The following TEAD4 variants were observed in gnomAD, a reference collection of about 807,000 sequenced individuals.
The protein encoded by TEAD4 is transcriptional enhancer factor TEF-3.
A neutral mutation model predicts 52.4 loss-of-function variants in TEAD4; 36 were observed. The observed-to-expected ratio is 0.69, with a 90% CI of 0.53 to 0.91. TEAD4 has a LOEUF of 0.91. TEAD4 is among the 40% of genes least tolerant of loss of function. The pLI, the probability that TEAD4 is intolerant of heterozygous loss-of-function variation, is 0.00. For missense variants in TEAD4, 508 were observed against 583.9 expected, an observed-to-expected ratio of 0.87 and a Z score of 1.34; for synonymous variants, 220 against 231.0, an observed-to-expected ratio of 0.95 and a Z score of 0.43.
chr12:3,017,275 G>T, intron 5 of TEAD4, 123 bp from the exon 6 acceptor site: 2 of 1,307,568 alleles, frequency 1.5e-6, no homozygotes, highest in East Asian at 2.5e-5. Context: ...CAGACTTAAC[G>T]CCTGGTCCCC....
intron 2 of TEAD4, among the ~76,000 whole-genome samples, chr12:2,990,265 G>A (rs1053524248): frequency 3.0e-4 from 45 of 152,000 alleles, no homozygotes; most frequent in African/African-American, 9.7e-4. Flanking sequence ...TCCTTATTTA[G>A]GTCAATAATC....
chr12:2,982,152 T>C (rs2098234555), intron 2 of TEAD4, among the ~76,000 whole-genome samples: 1 of 152,156 alleles, frequency 6.6e-6, no homozygotes. Flanking sequence ...CATTTGGAAC[T>C]TAGCATCCTG....
intron 2 of TEAD4, among the ~76,000 whole-genome samples, chr12:2,985,525 A>C (rs1336422629): frequency 4.3e-5 from 1 of 23,454 alleles, no homozygotes; most frequent in Admixed American, 5.6e-4. Flanking sequence ...TTTTTTTTTG[A>C]GACGGAGTCT....
At chr12:3,010,575 G>A (rs548941706) in intron 3 of TEAD4, among the ~76,000 whole-genome samples, 135 of 152,350 alleles carry the variant, frequency 8.9e-4, no homozygotes, top group African/African-American at 3.2e-3. Context: ...TTACAGAGGC[G>A]GAGGGCACGG....
intron 2 of TEAD4, among the ~76,000 whole-genome samples, chr12:2,992,205 G>A (rs1046686503): frequency 1.3e-5 from 2 of 151,574 alleles, no homozygotes; most frequent in African/African-American, 4.8e-5. Context: ...TTTTAGTAGA[G>A]GCGGGGTTTC....
intron 2 of TEAD4, among the ~76,000 whole-genome samples, chr12:2,992,594 G>A (rs954178672): frequency 2.0e-5 from 3 of 152,162 alleles, no homozygotes; most frequent in Non-Finnish European, 2.9e-5. Context: ...AGGATCCGAG[G>A]TGGAAGTGGT....
intron 2 of TEAD4, among the ~76,000 whole-genome samples, chr12:2,989,113 T>C (rs546085374): frequency 3.8e-4 from 58 of 152,178 alleles, no homozygotes; most frequent in Admixed American, 1.1e-3. Context: ...GGGATTGGCA[T>C]GGGAAGTCGG....
Position 3,040,531 on chromosome 12 carries a change from C to T in TEAD4, c.*53C>T, listed in dbSNP as rs140315611. ...GAGACGTGTGTGCAGGAAACGGGGA[C>T]GTGGGGAGGGGACCTGCAGGGGCAG... On this transcript the variant is annotated 3_prime_UTR_variant, in exon 13 of 13. Transcript: ENST00000359864. 35 of 1,527,718 alleles carry T rather than the reference C, an allele frequency of 2.3e-5. No homozygotes were observed. The highest frequency in any genetic ancestry group is 8.2e-5 in the African/African-American group (6 of 73,308). The allele number at this position is 1,527,718 out of a possible 1,614,324, so 94.6% of individuals were successfully genotyped here.
chr12:2,963,498 G>A (rs754519163), intron 2 of TEAD4, among the ~76,000 whole-genome samples: 2 of 152,210 alleles, frequency 1.3e-5, no homozygotes, highest in Non-Finnish European at 2.9e-5. Context: ...CTGAACAGCT[G>A]CTGTCCAGTA....
intron 10 of TEAD4, among the ~76,000 whole-genome samples, chr12:3,032,863 G>A (rs563161149): frequency 5.9e-5 from 9 of 152,334 alleles, no homozygotes; most frequent in South Asian, 2.1e-4. Flanking sequence ...GTACATATTC[G>A]TGTTTGCTGA....
At chr12:3,025,812 C>T (rs535750945) in intron 10 of TEAD4, among the ~76,000 whole-genome samples, 6 of 152,298 alleles carry the variant, frequency 3.9e-5, no homozygotes, top group African/African-American at 9.6e-5. Context: ...GCTGGGATTA[C>T]AGGTATGAGC....
chr12:2,979,555 C>T (rs1236210305), intron 2 of TEAD4, among the ~76,000 whole-genome samples: 1 of 152,172 alleles, frequency 6.6e-6, no homozygotes, highest in African/African-American at 2.4e-5. Flanking sequence ...GCTCAGTGCA[C>T]GCATGTGTCC....
chr12:3,015,766 C>A (rs1310587904), intron 5 of TEAD4, among the ~76,000 whole-genome samples: 1 of 152,102 alleles, frequency 6.6e-6, no homozygotes, highest in Non-Finnish European at 1.5e-5. Context: ...GGCCATCCTC[C>A]TGCCTCAGCC....
chr12:2,962,327 A>AAATATATATATAAAT (rs1565518203), intron 2 of TEAD4, among the ~76,000 whole-genome samples: 6 of 112,744 alleles, frequency 5.3e-5, no homozygotes, highest in African/African-American at 2.1e-4. Context: ...TATATATATA[A>AAATATATATATAAAT]ATATAAATAT....
At chr12:3,030,081 C>G (rs557520114) in intron 10 of TEAD4, among the ~76,000 whole-genome samples, 3 of 152,294 alleles carry the variant, frequency 2.0e-5, no homozygotes, top group Admixed American at 6.5e-5. Context: ...TCTTACTCCC[C>G]CTCTTCCCTC....
At chr12:2,977,858 G>A (rs2098231027) in intron 2 of TEAD4, among the ~76,000 whole-genome samples, 1 of 152,202 alleles carries the variant, frequency 6.6e-6, no homozygotes, top group Admixed American at 6.5e-5. Flanking sequence ...GGTTTTCTTG[G>A]TCTTGTTTTC....
chr12:3,008,932 C>T (rs973293890), intron 3 of TEAD4, among the ~76,000 whole-genome samples: 2 of 152,226 alleles, frequency 1.3e-5, no homozygotes, highest in Admixed American at 1.3e-4. Context: ...TTGGGAACCT[C>T]TCTTCTTCCC....
intron 10 of TEAD4, among the ~76,000 whole-genome samples, chr12:3,033,403 C>T (rs1269286181): frequency 6.6e-6 from 1 of 152,220 alleles, no homozygotes; most frequent in Non-Finnish European, 1.5e-5. Flanking sequence ...CCCCCAGAGC[C>T]CCGCAAGTCC....
chr12:3,034,796 A>G (rs981098401), intron 10 of TEAD4, among the ~76,000 whole-genome samples: 1 of 152,154 alleles, frequency 6.6e-6, no homozygotes, highest in African/African-American at 2.4e-5. Context: ...ATTTGAAAAT[A>G]TGGAAAATAG....
Sources: gnomAD v4.1 joint callset for allele counts (sites outside exome capture counted in the v4.1 genomes callset) on GRCh38, gnomAD v4.1.1 for gene constraint, MANE v1.5 for transcripts, NCBI Gene and HGNC (gene_info 2026-07-23, HGNC 2026-07-21) for gene names.